Variants in TENM1 observed in about 807,000 individuals in gnomAD.
The protein encoded by TENM1 is teneurin transmembrane protein 1.
TENM1 carries 35 observed loss-of-function variants against 174.8 expected under a neutral mutation model. The observed-to-expected ratio is 0.20, with a 90% confidence interval of 0.15 to 0.27. The LOEUF (loss-of-function observed/expected upper bound fraction) is 0.27, where lower values mean the gene tolerates loss of function less well. Among genes scored for constraint, TENM1 ranks in the 10% least tolerant of loss-of-function variants. TENM1 has a pLI of 1.00. For missense variants in TENM1, 1,633 were observed against 2,130.1 expected, an observed-to-expected ratio of 0.77 and a Z score of 4.59; for synonymous variants, 781 against 798.7, an observed-to-expected ratio of 0.98 and a Z score of 0.37.
chrX:124,803,560 C>T (rs2055509690), intron 3 of TENM1, among the ~76,000 whole-genome samples: 1 of 111,922 alleles, frequency 8.9e-6, no homozygotes, highest in African/African-American at 3.3e-5. Flanking sequence ...TAATGGCACC[C>T]TCTCATTTTA....
exon 24 of TENM1, chrX:124,422,611 C>A: frequency 8.3e-7 from 1 of 1,209,686 alleles, no homozygotes; most frequent in Non-Finnish European, 1.1e-6. Flanking sequence ...GGATTTACTG[C>A]AAGGTCTGTT....
chrX:125,127,431 A>T, the TENM1 span, among the ~76,000 whole-genome samples: 1 of 111,851 alleles, frequency 8.9e-6, no homozygotes, highest in Non-Finnish European at 1.9e-5. Context: ...TGGTATGAAG[A>T]TAACTTTTAG....
At chrX:125,085,728 G>A in the TENM1 span, among the ~76,000 whole-genome samples, 1 of 110,508 alleles carries the variant, frequency 9.0e-6, no homozygotes, top group East Asian at 2.8e-4. Flanking sequence ...ATTTATAAGA[G>A]ATATTTATAT....
intron 21 of TENM1, among the ~76,000 whole-genome samples, chrX:124,486,344 T>G (rs1351145748): frequency 8.9e-6 from 1 of 112,504 alleles, no homozygotes; most frequent in Non-Finnish European, 1.9e-5. Flanking sequence ...GATTGTTAAA[T>G]GGGCAATTAA....
chrX:124,968,409 T>C (rs2058752712), upstream of TENM1, among the ~76,000 whole-genome samples: 1 of 111,896 alleles, frequency 8.9e-6, no homozygotes, highest in Admixed American at 9.5e-5. Context: ...TGATTTATCA[T>C]GTTAAAATCA....
chrX:124,961,097 T>G (rs959485734), intron 1 of TENM1, among the ~76,000 whole-genome samples: 3 of 112,233 alleles, frequency 2.7e-5, no homozygotes, highest in African/African-American at 9.7e-5. Flanking sequence ...GTTTTTAAAA[T>G]GTAAGATTCC....
rs989788722 is a variant in TENM1, at chrX:124,410,308, G to A, written c.4983-3819C>T. 4.5e-5 allele frequency among the ~76,000 whole-genome samples: 5 copies of A among 112,074 alleles called. No homozygotes were observed. In the Admixed American group the frequency reaches 4.7e-4, roughly 11 times the overall value. On this transcript the variant is annotated intron_variant, in intron 25 of 31. Coordinates refer to ENST00000422452, the Ensembl canonical transcript of TENM1. The stretch of plus-strand genomic sequence containing the variant: ...TTAATAAATGGTGATGGGAAAACTG[G>A]CCAGCCATATGTAGAAAGCTGAAAC...
intron 11 of TENM1, among the ~76,000 whole-genome samples, chrX:124,599,303 G>A (rs1045444595): frequency 3.6e-5 from 4 of 111,615 alleles, no homozygotes; most frequent in African/African-American, 1.3e-4. Context: ...TATAGGGACT[G>A]CTGAAGGATG....
At chrX:124,723,362 T>C (rs1164321813) in intron 4 of TENM1, among the ~76,000 whole-genome samples, 2 of 111,341 alleles carry the variant, frequency 1.8e-5, no homozygotes, top group Admixed American at 1.9e-4. Flanking sequence ...TCCTGGAAAT[T>C]TCCTTCTGTT....
intron 1 of TENM1, among the ~76,000 whole-genome samples, chrX:124,915,170 A>G (rs779382838): frequency 3.6e-5 from 4 of 111,989 alleles, no homozygotes; most frequent in Non-Finnish European, 7.5e-5. Flanking sequence ...TATCACAGTC[A>G]TCACATCATA....
At chrX:125,147,114 C>A in the TENM1 span, among the ~76,000 whole-genome samples, 1 of 106,314 alleles carries the variant, frequency 9.4e-6, no homozygotes, top group East Asian at 3.0e-4. Flanking sequence ...TTATATATAT[C>A]TTATTTATAT....
intron 27 of TENM1, among the ~76,000 whole-genome samples, chrX:124,393,008 CAG>C (rs2060298369): frequency 9.0e-6 from 1 of 111,688 alleles, no homozygotes; most frequent in Non-Finnish European, 1.9e-5. Flanking sequence ...GGTTAAAGCA[CAG>C]AGTTAAGTTT....
At chrX:125,079,089 G>C in the TENM1 span, among the ~76,000 whole-genome samples, 1 of 111,755 alleles carries the variant, frequency 8.9e-6, no homozygotes, top group African/African-American at 3.2e-5. Flanking sequence ...TCACAATACT[G>C]CCTCTCATAT....
In TENM1 at chrX:124,432,334, G is replaced by C. The variant is rs192659524; in HGVS notation, c.4105-9696C>G. The stretch of plus-strand genomic sequence containing the variant: ...TGGTTCCTAAAATTCCTGTGGCAGA[G>C]ACTGCTGGTTCTAGGCCTATTCTTA... On this transcript the variant is annotated intron_variant, in intron 23 of 31. Transcript: ENST00000422452. Among the ~76,000 whole-genome samples the C allele has an allele frequency of 9.8e-5, 11 of 111,879 alleles. No individual in the cohort carries two copies. The East Asian group carries it at 3.1e-3, about 32-fold the overall frequency.
chrX:124,644,882 A>C (rs5958545), intron 10 of TENM1, among the ~76,000 whole-genome samples: 13,665 of 111,073 alleles, frequency 0.12, 1,794 homozygotes, highest in African/African-American at 0.39. Flanking sequence ...CCTAGAAAAT[A>C]GTGAGAGAAA....
At chrX:125,060,181 TCACACACACACACA>T in the TENM1 span, among the ~76,000 whole-genome samples, 3 of 93,840 alleles carry the variant, frequency 3.2e-5, no homozygotes, top group Admixed American at 1.2e-4. Context: ...TCTCTCTCTC[TCACACACACACACA>T]CACACACACA....
At chrX:124,644,044 CATATAT>C (rs72253813) in intron 10 of TENM1, among the ~76,000 whole-genome samples, 18 of 79,195 alleles carry the variant, frequency 2.3e-4, no homozygotes, top group African/African-American at 2.2e-4. Flanking sequence ...ATATAAATGG[CATATAT>C]ATATATATAT....
chrX:124,900,577 G>T (rs1278920829), intron 1 of TENM1, among the ~76,000 whole-genome samples: 1 of 111,224 alleles, frequency 9.0e-6, no homozygotes, highest in African/African-American at 3.3e-5. Flanking sequence ...ATTTTTAGTT[G>T]ATTGTACACC....
chrX:124,986,830 C>T, the TENM1 span, among the ~76,000 whole-genome samples: 1,088 of 111,322 alleles, frequency 9.8e-3, 10 homozygotes, highest in Non-Finnish European at 0.014. Flanking sequence ...TTAGTAGAGA[C>T]AGGGTTTCAC....
Sources: allele counts gnomAD v4.1 joint callset (sites outside exome capture counted in the v4.1 genomes callset), GRCh38; gene constraint gnomAD v4.1.1; transcripts MANE v1.5; gene names NCBI Gene and HGNC (gene_info 2026-07-23, HGNC 2026-07-21).